Variants in ST8SIA5 observed in about 807,000 individuals in gnomAD.
ST8SIA5 encodes alpha-2,8-sialyltransferase 8E.
ST8SIA5 carries 24 observed loss-of-function variants against 40.2 expected under a neutral mutation model. That is an observed-to-expected ratio of 0.60 (90% CI 0.43 to 0.84). The LOEUF is 0.84. Among genes scored for constraint, ST8SIA5 ranks in the 40% least tolerant of loss-of-function variants. ST8SIA5 has a pLI of 0.00. For synonymous variants in ST8SIA5, 198 were observed against 201.8 expected (o/e 0.98, Z 0.16); for missense variants, 465 against 498.5 (o/e 0.93, Z 0.64).
At chr18:46,742,870 G>A (rs1038673696) in intron 1 of ST8SIA5, among the ~76,000 whole-genome samples, 1 of 152,178 alleles carries the variant, frequency 6.6e-6, no homozygotes, top group African/African-American at 2.4e-5. Flanking sequence ...TTCAAAGAAA[G>A]GATCAGGCAG....
intron 3 of ST8SIA5, 105 bp downstream of exon 3, chr18:46,692,064 A>T (rs1181289164): frequency 2.5e-6 from 3 of 1,193,838 alleles, no homozygotes; most frequent in Non-Finnish European, 2.5e-6. Flanking sequence ...TGCTCTGGGG[A>T]AGATGCACGC....
chr18:46,724,879 G>A lies in ST8SIA5; in HGVS notation c.132-20215C>T, dbSNP rs148546385. ...ATCACAGCTACTCTGGGAGGCTGAG[G>A]CATGAGAATCACTTGAACCCGGGAG... On this transcript the variant is annotated intron_variant, in intron 1 of 6. Coordinates refer to ENST00000315087, the MANE Select transcript of ST8SIA5 (RefSeq NM_013305.6). Among the ~76,000 whole-genome samples the A allele has an allele frequency of 1.2e-3, 185 of 152,194 alleles. 2 individuals are homozygous for A. Among genetic ancestry groups the A allele is most frequent in the Non-Finnish European group, 2.1e-4 (14 of 68,016 alleles).
In ST8SIA5 at chr18:46,680,339, A is replaced by G. The variant is rs775547987; in HGVS notation, c.834T>C (p.His278=). ...GCGACACGTTGACCAGGTACTGCGGATGGAAGTAGTAGACAGCTTGCGGCG... is the reference window on the plus strand; with the variant it reads ...GCGACACGTTGACCAGGTACTGCGGGTGGAAGTAGTAGACAGCTTGCGGCG... The part of the protein sequence containing the change: ...FESPQAVYYF[H]PQYLVNVSRY... Residue 278 remains histidine (H), a synonymous_variant, in exon 7 of 7, where the codon CAT becomes CAC. Coordinates refer to ENST00000315087, the MANE Select transcript of ST8SIA5 (RefSeq NM_013305.6). The G allele has an allele frequency of 1.2e-6, 2 of 1,614,218 alleles. No individual in the cohort carries two copies. The highest frequency in any genetic ancestry group is 4.5e-5 in the East Asian group (2 of 44,872).
chr18:46,674,434 A>T lies in ST8SIA5; in HGVS notation c.*5608T>A, dbSNP rs1262718391. ...AGTCTCTGCCTTCCTGGGATGTGCT[A>T]GGTAAAAAAATCAATAGAGGACTCT... On this transcript the variant is annotated 3_prime_UTR_variant, in exon 7 of 7. Transcript: ENST00000315087. 3 of 152,170 alleles carry T rather than the reference A, an allele frequency of 2.0e-5. No homozygotes were observed. The highest frequency in any genetic ancestry group is 2.0e-4 in the Admixed American group (3 of 15,276). The allele number at this position is 152,170 out of a possible 1,614,324, so 9.4% of individuals were successfully genotyped here. A position where few individuals can be genotyped will look rare whatever the true frequency, so the allele number is the denominator to read the frequency against.
chr18:46,722,582 G>A (rs1276346281), intron 1 of ST8SIA5, among the ~76,000 whole-genome samples: 1 of 152,218 alleles, frequency 6.6e-6, no homozygotes, highest in African/African-American at 2.4e-5. Context: ...AATTGCCCCA[G>A]GGCAGGCTTT....
At chr18:46,695,067 G>T (rs960893674) in intron 2 of ST8SIA5, among the ~76,000 whole-genome samples, 1 of 151,524 alleles carries the variant, frequency 6.6e-6, no homozygotes, top group African/African-American at 2.4e-5. Context: ...GCTGAGGCAG[G>T]AGAATCGCTT....
chr18:46,680,573 C>T, intron 6 of ST8SIA5, 63 bp from the exon 7 acceptor site: 1 of 1,471,246 alleles, frequency 6.8e-7, no homozygotes. Context: ...CCCTCGCTTC[C>T]CCACCCTTGC....
intron 1 of ST8SIA5, among the ~76,000 whole-genome samples, chr18:46,735,194 T>C (rs1032142417): frequency 1.3e-5 from 2 of 152,286 alleles, no homozygotes; most frequent in African/African-American, 4.8e-5. Context: ...GGCCACAGAC[T>C]GAGGACTGCT....
intron 2 of ST8SIA5, among the ~76,000 whole-genome samples, chr18:46,693,894 A>G (rs942747296): frequency 1.3e-5 from 2 of 152,154 alleles, no homozygotes; most frequent in African/African-American, 4.8e-5. Context: ...CATCTCCATT[A>G]CCTATCCCTA....
At chr18:46,719,368 G>A (rs1055665873) in intron 1 of ST8SIA5, among the ~76,000 whole-genome samples, 6 of 152,118 alleles carry the variant, frequency 3.9e-5, no homozygotes, top group Admixed American at 1.3e-4. Flanking sequence ...AAGGGAGTAG[G>A]GAAGCAAGGA....
chr18:46,701,474 C>T (rs1404209409), intron 2 of ST8SIA5, among the ~76,000 whole-genome samples: 1 of 152,032 alleles, frequency 6.6e-6, no homozygotes, highest in African/African-American at 2.4e-5. Flanking sequence ...TAAAATGAGG[C>T]CATCAGAGTG....
chr18:46,725,957 C>T (rs1205048151), intron 1 of ST8SIA5, among the ~76,000 whole-genome samples: 1 of 17,328 alleles, frequency 5.8e-5, no homozygotes, highest in African/African-American at 2.8e-4. Flanking sequence ...CCCATCTCTA[C>T]TTAAAAAAAA....
chr18:46,736,803 C>A (rs982823404), intron 1 of ST8SIA5, among the ~76,000 whole-genome samples: 2 of 151,928 alleles, frequency 1.3e-5, no homozygotes, highest in African/African-American at 4.8e-5. Context: ...TCCCAGGACA[C>A]CCCCCGCTGA....
chr18:46,675,911 G>A lies in ST8SIA5; in HGVS notation c.*4131C>T, dbSNP rs1385216070. 1 of 151,916 alleles carries A rather than the reference G, an allele frequency of 6.6e-6. No individual in the cohort carries two copies. Among genetic ancestry groups the A allele is most frequent in the Non-Finnish European group, 1.5e-5 (1 of 68,030 alleles). 9.4% of individuals were successfully genotyped at this position (151,916 alleles called of 1,614,324 possible). ...CAAAAAAAAAAAAATTTTCAAATTA[G>A]CTGGGAGCAATGGCACGTGCCTGTG... On this transcript the variant is annotated 3_prime_UTR_variant, in exon 7 of 7. Transcript: ENST00000315087.
chr18:46,725,972 A>AAAATAT lies in ST8SIA5; in HGVS notation c.132-21309_132-21308insATATTT, dbSNP rs59660372. On this transcript the variant is annotated intron_variant, in intron 1 of 6. Coordinates refer to ENST00000315087, the MANE Select transcript of ST8SIA5 (RefSeq NM_013305.6). Reference sequence around the variant, plus strand: ...CCCATCTCTACTTAAAAAAAAAAAAAATATATATATATATATATATATATA... The same window carrying AAAATAT: ...CCCATCTCTACTTAAAAAAAAAAAAAAAATATATATATATATATATATATATATATA... Among the ~76,000 whole-genome samples the AAAATAT allele has an allele frequency of 3.8e-3, 111 of 29,044 alleles. 6 individuals are homozygous for AAAATAT. Among genetic ancestry groups the AAAATAT allele is most frequent in the African/African-American group, 0.012 (79 of 6,628 alleles). The allele number at this position is 29,044 out of a possible 152,430, so 19.1% of individuals were successfully genotyped here.
chr18:46,756,388 A>T lies in ST8SIA5; in HGVS notation c.121T>A (p.Tyr41Asn). The T allele has an allele frequency of 6.2e-7, 1 of 1,612,424 alleles. No individual in the cohort carries two copies. Among genetic ancestry groups the T allele is most frequent in the Non-Finnish European group, 8.5e-7 (1 of 1,178,954 alleles). The change falls in exon 1 of 7, where the codon TAC becomes AAC. Residue 41 changes from tyrosine (Y) to asparagine (N), a missense_variant. Tyr to Asn is a moderately radical substitution (Grantham distance 143). Transcript: ENST00000315087. ...LLQQILYGRN[Y>N]IKRYFEFYEG... ...AATGGACTTTCTTACCTCTTAATGT[A>T]GTTCCTGCCATACAGGATCTGTTGC...
chr18:46,734,613 A>G (rs2040016908), intron 1 of ST8SIA5, among the ~76,000 whole-genome samples: 1 of 152,124 alleles, frequency 6.6e-6, no homozygotes, highest in Admixed American at 6.5e-5. Flanking sequence ...AGGACAAGGG[A>G]ACTAGGTAGG....
At chr18:46,725,998 T>TCCTGG (rs1345126460) in intron 1 of ST8SIA5, among the ~76,000 whole-genome samples, 21 of 69,660 alleles carry the variant, frequency 3.0e-4, no homozygotes, top group South Asian at 1.3e-3. Context: ...TATATATATA[T>TCCTGG]ATATATATAT....
chr18:46,716,275 T>C (rs1435107908), intron 1 of ST8SIA5, among the ~76,000 whole-genome samples: 1 of 152,170 alleles, frequency 6.6e-6, no homozygotes, highest in East Asian at 1.9e-4. Flanking sequence ...ATAATACATG[T>C]AAGGCACCCA....
Sources: allele counts gnomAD v4.1 joint callset (sites outside exome capture counted in the v4.1 genomes callset), GRCh38; gene constraint gnomAD v4.1.1; transcripts MANE v1.5; gene names NCBI Gene and HGNC (gene_info 2026-07-23, HGNC 2026-07-21).